Variants in FAM167A observed in about 807,000 individuals in gnomAD.
FAM167A encodes family with sequence similarity 167 member A.
FAM167A carries 23 observed loss-of-function variants against 14.9 expected under a neutral mutation model. The ratio of observed to expected loss-of-function variants is 1.55; its 90% CI spans 1.11 to 2.19. The LOEUF is 2.19. Among genes scored for constraint, FAM167A ranks in the 30% most tolerant of loss-of-function variants. The probability of loss-of-function intolerance (pLI) is 0.00; values close to 1 mark genes in which losing one functional copy is unlikely to be tolerated. For missense variants in FAM167A, 401 were observed against 281.5 expected (o/e 1.42, Z -3.04); for synonymous variants, 174 against 117.7 (o/e 1.48, Z -3.10).
chr8:11,467,229 C>A (rs550848331), upstream of FAM167A, among the ~76,000 whole-genome samples: 9 of 152,394 alleles, frequency 5.9e-5, no homozygotes, highest in South Asian at 1.9e-3. Flanking sequence ...GCATCTCTGG[C>A]TGCCAGATGA....
In FAM167A at chr8:11,423,128, G is replaced by C. The variant is rs942705480; in HGVS notation, c.*1245C>G. The C allele has an allele frequency of 6.6e-6, 1 of 152,414 alleles. No individual in the cohort carries two copies. The highest frequency in any genetic ancestry group is 2.4e-5 in the African/African-American group (1 of 41,426). 9.4% of individuals were successfully genotyped at this position (152,414 alleles called of 1,614,324 possible). A position where few individuals can be genotyped will look rare whatever the true frequency, so the allele number is the denominator to read the frequency against. On this transcript the variant is annotated 3_prime_UTR_variant, in exon 3 of 3. Transcript: ENST00000284486. The stretch of plus-strand genomic sequence containing the variant: ...GGTTTCACTTTGCTCCTTTACTAAT[G>C]AGAGGACTCGACTAGATGACACCAA...
chr8:11,422,095 C>A lies in FAM167A; in HGVS notation c.*2278G>T, dbSNP rs1174703740. On this transcript the variant is annotated 3_prime_UTR_variant, in exon 3 of 3. Transcript: ENST00000284486. The stretch of plus-strand genomic sequence containing the variant: ...ATTTAACTTATCCCCAAACATGTGT[C>A]TTGATCTTAGTTTCCACCCAGAGAA... 3.0e-6 allele frequency: 1 copy of A among 329,556 alleles called. No homozygotes were observed. The highest frequency in any genetic ancestry group is 5.5e-6 in the Non-Finnish European group (1 of 183,224). The allele number at this position is 329,556 out of a possible 1,614,324, so 20.4% of individuals were successfully genotyped here.
Position 11,443,891 on chromosome 8 carries a change from A to T in FAM167A, c.381+140T>A, listed in dbSNP as rs541199908. On this transcript the variant is annotated intron_variant, in intron 2 of 2. Coordinates refer to ENST00000284486, the MANE Select transcript of FAM167A (RefSeq NM_053279.3). Reference sequence around the variant, plus strand: ...CCTGCCTTCAACTCACGGGAAGATTACAGATGTGCACTTGGGGGTTAGAGA... The same window carrying T: ...CCTGCCTTCAACTCACGGGAAGATTTCAGATGTGCACTTGGGGGTTAGAGA... 8.7e-5 allele frequency: 95 copies of T among 1,092,486 alleles called. No homozygotes were observed. The South Asian group carries it at 1.3e-3, about 16-fold the overall frequency. The allele number at this position is 1,092,486 out of a possible 1,614,324, so 67.7% of individuals were successfully genotyped here. A position where few individuals can be genotyped will look rare whatever the true frequency, so the allele number is the denominator to read the frequency against.
chr8:11,440,569 G>T (rs1477050553), intron 2 of FAM167A, among the ~76,000 whole-genome samples: 1 of 152,194 alleles, frequency 6.6e-6, no homozygotes, highest in East Asian at 1.9e-4. Context: ...CTCTGGTTGA[G>T]GTGACATTGA....
At chr8:11,473,516 G>A (rs186171634) in intron 1 of FAM167A, among the ~76,000 whole-genome samples, 137 of 152,256 alleles carry the variant, frequency 9.0e-4, no homozygotes, top group African/African-American at 3.1e-3. Context: ...TCCCTTATAC[G>A]TAACTTCTCT....
chr8:11,445,685 C>A, intron 1 of FAM167A: 1 of 915,044 alleles, frequency 1.1e-6, no homozygotes, highest in Non-Finnish European at 1.3e-6. Context: ...AAATCTAACT[C>A]CCAGTAAGAA....
At chr8:11,429,077 T>C (rs901896014) in intron 2 of FAM167A, among the ~76,000 whole-genome samples, 1 of 152,118 alleles carries the variant, frequency 6.6e-6, no homozygotes, top group African/African-American at 2.4e-5. Context: ...CAGAGCTCTT[T>C]TTATCGTTCT....
At chr8:11,448,809 C>A (rs952403583) in intron 1 of FAM167A, among the ~76,000 whole-genome samples, 1 of 152,224 alleles carries the variant, frequency 6.6e-6, no homozygotes, top group Non-Finnish European at 1.5e-5. Flanking sequence ...CAAGGCCAGG[C>A]CCCAGAAGCC....
chr8:11,438,459 A>G (rs1397421380), intron 2 of FAM167A: 5 of 457,218 alleles, frequency 1.1e-5, no homozygotes, highest in South Asian at 7.8e-5. Flanking sequence ...ACAGAAGTAC[A>G]AGGTGAAGAA....
chr8:11,468,203 T>C (rs1275799843), upstream of FAM167A, among the ~76,000 whole-genome samples: 1 of 152,212 alleles, frequency 6.6e-6, no homozygotes, highest in East Asian at 1.9e-4. Flanking sequence ...CTGCTTCTGC[T>C]TAAAGGCCTT....
intron 2 of FAM167A, among the ~76,000 whole-genome samples, chr8:11,443,226 G>T (rs114142566): frequency 0.021 from 3,232 of 152,300 alleles, 98 homozygotes; most frequent in African/African-American, 0.072. Context: ...TCTCCCCTGG[G>T]GGGGTGGAAG....
rs1804885508 is a variant in FAM167A at position 11,423,234 on chromosome 8, C to G, written c.*1139G>C. ...CCATGCCGTATGACCCCAGACTGACCTCCCTAACCTGCTGGGGTCTTAACT... is the reference window on the plus strand; with the variant it reads ...CCATGCCGTATGACCCCAGACTGACGTCCCTAACCTGCTGGGGTCTTAACT... On this transcript the variant is annotated 3_prime_UTR_variant, in exon 3 of 3. Transcript: ENST00000284486. 1 of 152,244 alleles carries G rather than the reference C, an allele frequency of 6.6e-6. No homozygotes were observed. Among genetic ancestry groups the G allele is most frequent in the Non-Finnish European group, 1.5e-5 (1 of 68,028 alleles). The allele number at this position is 152,244 out of a possible 1,614,324, so 9.4% of individuals were successfully genotyped here. A position where few individuals can be genotyped will look rare whatever the true frequency, so the allele number is the denominator to read the frequency against.
intron 1 of FAM167A, among the ~76,000 whole-genome samples, chr8:11,448,190 T>C (rs1026738995): frequency 3.5e-5 from 4 of 114,572 alleles, no homozygotes; most frequent in Non-Finnish European, 5.7e-5. Flanking sequence ...CGAGACTCTG[T>C]CTTAAAAAAA....
At chr8:11,471,016 C>G (rs1807944940), upstream of FAM167A, among the ~76,000 whole-genome samples, 1 of 152,180 alleles carries the variant, frequency 6.6e-6, no homozygotes, top group African/African-American at 2.4e-5. Context: ...CTCTGTGCCA[C>G]CCGGGGGCTA....
At chr8:11,431,368 A>T (rs117543984) in intron 2 of FAM167A, among the ~76,000 whole-genome samples, 1,720 of 152,326 alleles carry the variant, frequency 0.011, 4 homozygotes, top group Non-Finnish European at 0.017. Context: ...AAAGCAGGAC[A>T]GTGGTGCCAA....
intron 2 of FAM167A, among the ~76,000 whole-genome samples, chr8:11,426,673 G>A (rs969780619): frequency 6.6e-6 from 1 of 152,160 alleles, no homozygotes; most frequent in Non-Finnish European, 1.5e-5. Flanking sequence ...GGGGGAAGAG[G>A]AAGAAATTTT....
At chr8:11,467,885 C>T (rs958642078), upstream of FAM167A, among the ~76,000 whole-genome samples, 6 of 152,254 alleles carry the variant, frequency 3.9e-5, no homozygotes, top group African/African-American at 1.4e-4. Context: ...CAGACCTAGT[C>T]ATGCTAATGA....
At chr8:11,470,107 AGAC>A (rs1252310758), upstream of FAM167A, among the ~76,000 whole-genome samples, 1 of 152,232 alleles carries the variant, frequency 6.6e-6, no homozygotes, top group Non-Finnish European at 1.5e-5. Flanking sequence ...GAAAGCAGGC[AGAC>A]GATGACCGAC....
chr8:11,448,464 G>C (rs979930576), intron 1 of FAM167A, among the ~76,000 whole-genome samples: 3 of 152,206 alleles, frequency 2.0e-5, no homozygotes, highest in Admixed American at 6.5e-5. Context: ...ACCTATCAGA[G>C]TTATATCACC....
Sources: gnomAD v4.1 joint callset for allele counts (sites outside exome capture counted in the v4.1 genomes callset) on GRCh38, gnomAD v4.1.1 for gene constraint, MANE v1.5 for transcripts, NCBI Gene and HGNC (gene_info 2026-07-23, HGNC 2026-07-21) for gene names.